Variants in PPP6R2 observed in about 807,000 individuals in gnomAD.
PPP6R2 encodes the protein protein phosphatase 6 regulatory subunit 2, also known as serine/threonine-protein phosphatase 6 regulatory subunit 2.
In PPP6R2, 62 loss-of-function variants were observed where a neutral mutation model predicts 100.2. That is an observed-to-expected ratio of 0.62 (90% CI 0.50 to 0.76). The LOEUF (loss-of-function observed/expected upper bound fraction) is 0.76, where lower values mean the gene tolerates loss of function less well. PPP6R2 is among the 30% of genes least tolerant of loss of function. The probability of loss-of-function intolerance (pLI) is 0.00; values close to 1 mark genes in which losing one functional copy is unlikely to be tolerated. For synonymous variants in PPP6R2, 525 were observed against 514.7 expected, an observed-to-expected ratio of 1.02 and a Z score of -0.27; for missense variants, 1,142 against 1,276.3, an observed-to-expected ratio of 0.89 and a Z score of 1.60.
chr22:50,399,913 C>A (rs2057745126), intron 3 of PPP6R2, among the ~76,000 whole-genome samples: 1 of 152,252 alleles, frequency 6.6e-6, no homozygotes, highest in Non-Finnish European at 1.5e-5. Context: ...GGGGATGCTC[C>A]TGGTCTTTTC....
the PPP6R2 span, among the ~76,000 whole-genome samples, chr22:50,332,358 G>A: frequency 6.6e-6 from 1 of 151,788 alleles, no homozygotes; most frequent in Non-Finnish European, 1.5e-5. Context: ...AGCCTCCTGA[G>A]TAGCTGGGAG....
intron 1 of PPP6R2, among the ~76,000 whole-genome samples, chr22:50,346,750 C>A (rs958419733): frequency 6.7e-6 from 1 of 149,522 alleles, no homozygotes; most frequent in Non-Finnish European, 1.5e-5. Context: ...CAGTGCTCCC[C>A]CACCGTCAGT....
the PPP6R2 span, among the ~76,000 whole-genome samples, chr22:50,336,122 T>C: frequency 2.0e-5 from 3 of 151,066 alleles, no homozygotes; most frequent in Non-Finnish European, 4.4e-5. Context: ...GTAGCTGGGA[T>C]TACAGACGCC....
chr22:50,393,459 C>G (rs1049187782), intron 2 of PPP6R2: 1 of 984,968 alleles, frequency 1.0e-6, no homozygotes, highest in Non-Finnish European at 1.2e-6. Context: ...GGAGAGACAC[C>G]TGGGCGCATT....
rs1191427993 is a variant in PPP6R2 at position 50,422,327 on chromosome 22, G to A, written c.919G>A (p.Gly307Ser). Reference sequence around the variant, plus strand: ...CGCTGTCAGCAGCAGCGTACTACACGGCATCGAGCCTCGGCTGAAGGACTT... The same window carrying A: ...CGCTGTCAGCAGCAGCGTACTACACAGCATCGAGCCTCGGCTGAAGGACTT... Reference protein sequence around the residue: ...SYAVSSSVLHGIEPRLKDFHQ... With the variant: ...SYAVSSSVLHSIEPRLKDFHQ... The change falls in exon 9 of 24, where the codon GGC (glycine) becomes AGC (serine). Residue 307 changes from glycine to serine, a missense_variant. Physicochemically the swap from Gly to Ser is moderately conservative, Grantham distance 56 (BLOSUM62 0). Around this residue, in one of 2 missense-constraint regions of PPP6R2, gnomAD observed 592 missense variants for 758.9 expected, o/e 0.78. Transcript: ENST00000612753. 3.1e-6 allele frequency: 5 copies of A among 1,614,060 alleles called. No homozygotes were observed. The highest frequency in any genetic ancestry group is 4.5e-5 in the East Asian group (2 of 44,870).
At chr22:50,392,358 A>AC (rs1569378106) in intron 2 of PPP6R2, among the ~76,000 whole-genome samples, 6 of 147,106 alleles carry the variant, frequency 4.1e-5, no homozygotes, top group Non-Finnish European at 7.4e-5. Flanking sequence ...AAAAAAAAAA[A>AC]CCCACCCCAA....
chr22:50,392,319 T>G (rs2055764208), intron 2 of PPP6R2, among the ~76,000 whole-genome samples: 1 of 139,394 alleles, frequency 7.2e-6, no homozygotes, highest in Non-Finnish European at 1.5e-5. Context: ...CTGGGCAACA[T>G]AGTGAATCCC....
At chr22:50,385,947 C>T (rs1413713438) in intron 2 of PPP6R2, among the ~76,000 whole-genome samples, 2 of 149,282 alleles carry the variant, frequency 1.3e-5, no homozygotes, top group Non-Finnish European at 3.0e-5. Flanking sequence ...CCTCAGCCTC[C>T]CGAGTAGCTG....
chr22:50,353,819 T>C (rs1489579395), intron 1 of PPP6R2, among the ~76,000 whole-genome samples: 1 of 91,342 alleles, frequency 1.1e-5, no homozygotes, highest in African/African-American at 9.7e-5. Context: ...GCCTCTCCCT[T>C]TTTTTTTTTT....
chr22:50,364,189 G>C (rs1416505632), intron 1 of PPP6R2, among the ~76,000 whole-genome samples: 1 of 152,130 alleles, frequency 6.6e-6, no homozygotes, highest in African/African-American at 2.4e-5. Context: ...GAGTCACCGT[G>C]CCTGGCCCAG....
intron 1 of PPP6R2, among the ~76,000 whole-genome samples, chr22:50,368,741 C>T (rs2049305287): frequency 6.6e-6 from 1 of 152,050 alleles, no homozygotes; most frequent in Non-Finnish European, 1.5e-5. Context: ...CTCACCACAA[C>T]CATGCACACT....
At chr22:50,349,746 C>T (rs1188537421) in intron 1 of PPP6R2, among the ~76,000 whole-genome samples, 76 of 148,428 alleles carry the variant, frequency 5.1e-4, no homozygotes, top group African/African-American at 1.9e-3. Flanking sequence ...ACCCGGGAAG[C>T]GGAGGTTGCA....
intron 10 of PPP6R2, among the ~76,000 whole-genome samples, chr22:50,424,633 CTTTTTTTT>C (rs71198247): frequency 2.7e-5 from 2 of 74,252 alleles, no homozygotes; most frequent in African/African-American, 9.3e-5. Flanking sequence ...CCCTCTTCTT[CTTTTTTTT>C]TTTTTTTTTT....
chr22:50,388,991 T>C, intron 2 of PPP6R2: 1 of 152,174 alleles, frequency 6.6e-6, no homozygotes. Context: ...TAAAGGGCGC[T>C]TTCATGGAAC....
intron 9 of PPP6R2, 29 bp downstream of exon 9, chr22:50,422,409 C>T: frequency 5.6e-6 from 9 of 1,610,906 alleles, no homozygotes; most frequent in African/African-American, 1.3e-5. Flanking sequence ...TGCTGAGTGC[C>T]TTTGGAGGCG....
chr22:50,357,661 A>AC (rs1488824128), intron 1 of PPP6R2, among the ~76,000 whole-genome samples: 1 of 150,554 alleles, frequency 6.6e-6, no homozygotes, highest in Non-Finnish European at 1.5e-5. Context: ...GGAGTCTTGC[A>AC]CTGTCACCCA....
chr22:50,415,923 C>T (rs1258046343), intron 5 of PPP6R2, among the ~76,000 whole-genome samples, 169 bp from the exon 6 acceptor site: 1 of 152,236 alleles, frequency 6.6e-6, no homozygotes, highest in Non-Finnish European at 1.5e-5. Context: ...CCAGAACCTC[C>T]CAGAACTCAG....
chr22:50,410,640 C>T (rs530241133), intron 4 of PPP6R2, among the ~76,000 whole-genome samples: 14 of 149,262 alleles, frequency 9.4e-5, no homozygotes, highest in South Asian at 6.3e-4. Context: ...GATTCTGTCT[C>T]CAAAAAAAAG....
At chr22:50,388,437 A>G (rs949344036) in intron 2 of PPP6R2, among the ~76,000 whole-genome samples, 2 of 151,012 alleles carry the variant, frequency 1.3e-5, no homozygotes, top group South Asian at 2.1e-4. Flanking sequence ...AAGGTGGCTC[A>G]TGTCTGTAAT....
Sources: allele counts gnomAD v4.1 joint callset (sites outside exome capture counted in the v4.1 genomes callset), GRCh38; gene constraint gnomAD v4.1.1; regional missense constraint gnomAD v4.1.1; transcripts MANE v1.5; gene names NCBI Gene and HGNC (gene_info 2026-07-23, HGNC 2026-07-21).